The following NKAIN2 variants were observed in gnomAD, a reference collection of about 807,000 sequenced individuals.
NKAIN2 encodes sodium/potassium transporting ATPase interacting 2.
In NKAIN2, 14 loss-of-function variants were observed where a neutral mutation model predicts 32.6. That is an observed-to-expected ratio of 0.43 (90% CI 0.28 to 0.67). The LOEUF (loss-of-function observed/expected upper bound fraction) is 0.67. Among genes scored for constraint, NKAIN2 ranks in the 30% least tolerant of loss-of-function variants. NKAIN2 has a pLI of 0.17. For missense variants in NKAIN2, 198 were observed against 258.3 expected (o/e 0.77, Z 1.60); for synonymous variants, 80 against 87.2 (o/e 0.92, Z 0.46).
At chr6:124,541,855 T>C (rs576032854) in intron 3 of NKAIN2, among the ~76,000 whole-genome samples, 3 of 152,170 alleles carry the variant, frequency 2.0e-5, no homozygotes, top group Non-Finnish European at 4.4e-5. Flanking sequence ...AGTGTATTGG[T>C]ACATTTCACT....
intron 3 of NKAIN2, among the ~76,000 whole-genome samples, chr6:124,439,461 A>G (rs984654065): frequency 5.3e-5 from 8 of 151,800 alleles, no homozygotes; most frequent in African/African-American, 1.7e-4. Context: ...TTCTTCGTAC[A>G]CTAGACTCAG....
Position 124,595,913 on chromosome 6 carries a change from T to C in NKAIN2, c.274-62273T>C, listed in dbSNP as rs151150215. Among the ~76,000 whole-genome samples, 404 of 152,256 alleles carry C rather than the reference T, an allele frequency of 2.7e-3. 1 individual carries two copies. Among genetic ancestry groups the C allele is most frequent in the African/African-American group, 9.1e-3 (380 of 41,550 alleles). On this transcript the variant is annotated intron_variant, in intron 3 of 6. Transcript: ENST00000368417. ...CAGCAACTAGTAAGGCCAAACTGAT[T>C]TGGCAGCTGGGGCTTGGGGAGCACG...
chr6:124,355,337 A>T lies in NKAIN2; in HGVS notation c.263A>T (p.Asp88Val). Residue 88 changes from aspartate (D) to valine (V), a missense_variant, in exon 3 of 7, where the codon GAC becomes GTC. Physicochemically the swap from Asp to Val is radical, Grantham distance 152. Coordinates refer to ENST00000368417, the MANE Select transcript of NKAIN2 (RefSeq NM_001040214.3). ...ATCTGCTTCTATTTGGAGGCTGGGGACCTCTCAAAGGTAATTTACATCTAA... is the reference window on the plus strand; with the variant it reads ...ATCTGCTTCTATTTGGAGGCTGGGGTCCTCTCAAAGGTAATTTACATCTAA... Reference protein sequence around the residue: ...FVICFYLEAGDLSKETDLILT... With the variant: ...FVICFYLEAGVLSKETDLILT... 1 of 1,601,342 alleles carries T rather than the reference A, an allele frequency of 6.2e-7. No homozygotes were observed. Among genetic ancestry groups the T allele is most frequent in the East Asian group, 2.2e-5 (1 of 44,792 alleles).
chr6:124,815,865 G>A (rs1298575453), intron 5 of NKAIN2, among the ~76,000 whole-genome samples: 1 of 152,084 alleles, frequency 6.6e-6, no homozygotes, highest in Non-Finnish European at 1.5e-5. Flanking sequence ...TACACCATAT[G>A]TCTCATCCAG....
intron 1 of NKAIN2, among the ~76,000 whole-genome samples, chr6:123,976,372 CATATATATATATATATATATATATAT>C (rs60189624): frequency 1.8e-4 from 2 of 10,924 alleles, no homozygotes; most frequent in African/African-American, 2.3e-4. Context: ...TATATATTCC[CATATATATATATATATATATATATAT>C]ATATATATAT....
At chr6:124,563,915 C>T (rs1312328583) in intron 3 of NKAIN2, among the ~76,000 whole-genome samples, 3 of 152,136 alleles carry the variant, frequency 2.0e-5, no homozygotes, top group East Asian at 1.9e-4. Flanking sequence ...GTCCCAGTGG[C>T]GGGAATGCAG....
intron 3 of NKAIN2, among the ~76,000 whole-genome samples, chr6:124,483,359 A>G (rs1047662501): frequency 1.3e-5 from 2 of 152,196 alleles, no homozygotes; most frequent in African/African-American, 4.8e-5. Context: ...ACATCCAAAA[A>G]TATGGGGATT....
At chr6:124,280,282 TATA>T in intron 1 of NKAIN2, among the ~76,000 whole-genome samples, 1 of 152,308 alleles carries the variant, frequency 6.6e-6, no homozygotes, top group African/African-American at 2.4e-5. Flanking sequence ...CCAATGATGA[TATA>T]ATGTCATGAA....
In NKAIN2 at chr6:123,875,776, G is replaced by T. The variant is rs554030720; in HGVS notation, c.54+71522G>T. On this transcript the variant is annotated intron_variant, in intron 1 of 6. Transcript: ENST00000368417. ...ATTTTAATCAATATAGAATTTATTTGATTTACAATTTTGGATATGCTAAAA... is the reference window on the plus strand; with the variant it reads ...ATTTTAATCAATATAGAATTTATTTTATTTACAATTTTGGATATGCTAAAA... 4.0e-4 allele frequency among the ~76,000 whole-genome samples: 60 copies of T among 151,854 alleles called. 1 individual carries two copies. Among genetic ancestry groups the T allele is most frequent in the African/African-American group, 1.3e-3 (56 of 41,498 alleles).
chr6:124,075,392 C>T (rs1479969985), intron 1 of NKAIN2, among the ~76,000 whole-genome samples: 3 of 152,096 alleles, frequency 2.0e-5, no homozygotes, highest in Non-Finnish European at 4.4e-5. Flanking sequence ...TCTTAATTGA[C>T]ATTAACTAGA....
chr6:124,134,369 T>C (rs1001760128), intron 1 of NKAIN2, among the ~76,000 whole-genome samples: 1 of 152,070 alleles, frequency 6.6e-6, no homozygotes, highest in Non-Finnish European at 1.5e-5. Context: ...TTTGGGATTA[T>C]GTTAAATGGC....
chr6:123,805,723 A>G (rs1773185567), intron 1 of NKAIN2, among the ~76,000 whole-genome samples: 2 of 152,174 alleles, frequency 1.3e-5, no homozygotes, highest in Admixed American at 1.3e-4. Flanking sequence ...CCATTAGGCT[A>G]AGTCTGCCAA....
chr6:123,974,933 T>G (rs147255828), intron 1 of NKAIN2, among the ~76,000 whole-genome samples: 13 of 152,328 alleles, frequency 8.5e-5, no homozygotes, highest in African/African-American at 2.9e-4. Flanking sequence ...CTTACAATAA[T>G]GAAATGTTAG....
intron 4 of NKAIN2, among the ~76,000 whole-genome samples, chr6:124,710,483 C>T (rs1355627773): frequency 6.6e-6 from 1 of 151,872 alleles, no homozygotes; most frequent in Non-Finnish European, 1.5e-5. Context: ...TTGTAGGTCA[C>T]TCAGGACTTG....
At chr6:124,729,573 C>G (rs966991219) in intron 4 of NKAIN2, among the ~76,000 whole-genome samples, 119 of 151,660 alleles carry the variant, frequency 7.8e-4, no homozygotes, top group Non-Finnish European at 1.6e-3. Flanking sequence ...ATAATAAAAG[C>G]TATCTATGAC....
chr6:124,061,124 A>G (rs187391840), intron 1 of NKAIN2, among the ~76,000 whole-genome samples: 7 of 152,238 alleles, frequency 4.6e-5, no homozygotes, highest in African/African-American at 1.7e-4. Context: ...TTAAATATTT[A>G]TTTCTCTGAT....
At chr6:124,236,096 TA>T (rs1212226634) in intron 1 of NKAIN2, among the ~76,000 whole-genome samples, 3 of 152,122 alleles carry the variant, frequency 2.0e-5, no homozygotes, top group African/African-American at 7.2e-5. Flanking sequence ...TAGTAAAGAC[TA>T]TATTTTAATA....
intron 2 of NKAIN2, among the ~76,000 whole-genome samples, chr6:124,286,337 T>C (rs73770397): frequency 0.13 from 19,939 of 152,002 alleles, 1,443 homozygotes; most frequent in East Asian, 0.26. Flanking sequence ...TACTCTCGTC[T>C]TTTTTTGTGA....
intron 1 of NKAIN2, among the ~76,000 whole-genome samples, chr6:124,006,100 A>C (rs1424331204): frequency 6.6e-6 from 1 of 152,200 alleles, no homozygotes; most frequent in Non-Finnish European, 1.5e-5. Flanking sequence ...TATACCATAA[A>C]AGCCTCACCG....
Sources: allele counts gnomAD v4.1 joint callset (sites outside exome capture counted in the v4.1 genomes callset), GRCh38; gene constraint gnomAD v4.1.1; transcripts MANE v1.5; gene names NCBI Gene and HGNC (gene_info 2026-07-23, HGNC 2026-07-21).